USP31: variants seen among roughly 807,000 people sequenced by gnomAD.
USP31 encodes ubiquitin specific peptidase 31.
In USP31, 44 loss-of-function variants were observed where a neutral mutation model predicts 119.4. That is an observed-to-expected ratio of 0.37 (90% CI 0.29 to 0.47). USP31 has a LOEUF of 0.47. Ranked by LOEUF, USP31 falls within the 20% of genes least tolerant of loss-of-function variation. The probability of loss-of-function intolerance (pLI) is 0.99; values close to 1 mark genes in which losing one functional copy is unlikely to be tolerated. For synonymous variants in USP31, 749 were observed against 705.6 expected, an observed-to-expected ratio of 1.06 and a Z score of -0.97; for missense variants, 1,643 against 1,730.2, an observed-to-expected ratio of 0.95 and a Z score of 0.89.
chr16:23,063,381 A>G lies in USP31; in HGVS notation c.*4665T>C, dbSNP rs536476804. On this transcript the variant is annotated 3_prime_UTR_variant, in exon 16 of 16. Transcript: ENST00000219689. ...AATAGCTCTAAGTCTCTATAAAAGC[A>G]TCTTTTAATTCTTAGCACTATTAGA... 1 of 152,758 alleles carries G rather than the reference A, an allele frequency of 6.5e-6. No individual in the cohort carries two copies. The highest frequency in any genetic ancestry group is 1.9e-4 in the East Asian group (1 of 5,186). 9.5% of individuals were successfully genotyped at this position (152,758 alleles called of 1,614,324 possible).
rs1900095268 is a variant in USP31 at position 23,066,879 on chromosome 16, TAATA to T, written c.*1163_*1166del. 6.6e-6 allele frequency: 1 copy of T among 151,988 alleles called. No individual in the cohort carries two copies. Among genetic ancestry groups the T allele is most frequent in the Non-Finnish European group, 1.5e-5 (1 of 67,982 alleles). 9.4% of individuals were successfully genotyped at this position (151,988 alleles called of 1,614,324 possible). ...TGAAATCTTAAGAACAAAGAAGAAA[TAATA>T]AATGAGTTACTGAAAGGCAGCCCTA... On this transcript the variant is annotated 3_prime_UTR_variant, in exon 16 of 16. Transcript: ENST00000219689.
In USP31 at chr16:23,069,462, G is replaced by A. The variant is rs1220306386; in HGVS notation, c.2643C>T (p.Ser881=). 3.7e-6 allele frequency: 6 copies of A among 1,614,196 alleles called. No homozygotes were observed. In the Admixed American group the frequency reaches 1.0e-4, roughly 27 times the overall value. Reference sequence around the variant, plus strand: ...GAATTGGCGAATCCCCTGAAAATCGGGATGGAGAATTGGAGCGCATCTGCA... The same window carrying A: ...GAATTGGCGAATCCCCTGAAAATCGAGATGGAGAATTGGAGCGCATCTGCA... ...AKLQMRSNSP[S]RFSGDSPIHS... The change falls in exon 16 of 16, where the codon TCC becomes TCT. Residue 881 remains serine (S), a synonymous_variant. Transcript: ENST00000219689.
At chr16:23,109,120 T>C (rs1253950244) in intron 1 of USP31, among the ~76,000 whole-genome samples, 1 of 152,216 alleles carries the variant, frequency 6.6e-6, no homozygotes, top group Non-Finnish European at 1.5e-5. Flanking sequence ...TTTCTTAACA[T>C]AGAGATGAAC....
At chr16:23,074,575 C>G (rs1900480652) in intron 13 of USP31, among the ~76,000 whole-genome samples, 1 of 152,134 alleles carries the variant, frequency 6.6e-6, no homozygotes, top group Admixed American at 6.5e-5. Flanking sequence ...AAGGCAGGAG[C>G]CCAGCTCATT....
At chr16:23,093,825 A>ATATG (rs1335864334) in intron 6 of USP31, among the ~76,000 whole-genome samples, 2 of 152,232 alleles carry the variant, frequency 1.3e-5, no homozygotes, top group Non-Finnish European at 2.9e-5. Flanking sequence ...TGGTACATGC[A>ATATG]TATGTATGTA....
At chr16:23,101,357 C>T (rs773894527) in intron 6 of USP31, among the ~76,000 whole-genome samples, 14 of 152,040 alleles carry the variant, frequency 9.2e-5, no homozygotes, top group Non-Finnish European at 1.9e-4. Flanking sequence ...CAGGAGCAAC[C>T]AATCTAAGAA....
rs34435034 is a variant in USP31, at chr16:23,069,263, C to T, written c.2842G>A (p.Val948Met). 1.3e-4 allele frequency: 204 copies of T among 1,613,476 alleles called. 1 individual carries two copies. In the African/African-American group the frequency reaches 2.4e-3, roughly 19 times the overall value. Residue 948 changes from valine to methionine, a missense_variant, in exon 16 of 16, where the codon GTG becomes ATG. By Grantham distance (21) the Val-to-Met change is conservative (BLOSUM62 1). Coordinates refer to ENST00000219689, the MANE Select transcript of USP31 (RefSeq NM_020718.4). ...GRAPLAVMEG[V>M]FKDESDTRRL... Reference sequence around the variant, plus strand: ...CGGGTGTCCGATTCGTCTTTGAACACGCCTTCCATGACAGCCAGAGGGGCC... The same window carrying T: ...CGGGTGTCCGATTCGTCTTTGAACATGCCTTCCATGACAGCCAGAGGGGCC...
intron 1 of USP31, among the ~76,000 whole-genome samples, chr16:23,144,396 G>C (rs747552480): frequency 1.3e-5 from 2 of 152,100 alleles, no homozygotes; most frequent in Non-Finnish European, 2.9e-5. Context: ...AAGAATATCT[G>C]AATGAAATAA....
chr16:23,112,663 G>C (rs775051613), intron 1 of USP31, among the ~76,000 whole-genome samples: 1 of 152,062 alleles, frequency 6.6e-6, no homozygotes, highest in Non-Finnish European at 1.5e-5. Context: ...TCATTTAGAA[G>C]AATCAAAACC....
At chr16:23,079,772 A>G (rs932549399) in intron 13 of USP31, 174 bp downstream of exon 13, 39 of 578,112 alleles carry the variant, frequency 6.7e-5, no homozygotes, top group Middle Eastern at 4.6e-4. Context: ...AAAAGGAGGA[A>G]GAATGTTCGT....
intron 1 of USP31, among the ~76,000 whole-genome samples, chr16:23,121,447 C>A (rs1902666255): frequency 1.3e-5 from 2 of 152,232 alleles, no homozygotes; most frequent in South Asian, 2.1e-4. Context: ...ACCTTCCCAG[C>A]CTAGGCCTGG....
intron 4 of USP31, 28 bp from the exon 5 acceptor site, chr16:23,105,604 A>G (rs752387180): frequency 6.6e-7 from 1 of 1,509,416 alleles, no homozygotes; most frequent in African/African-American, 1.4e-5. Context: ...AGATCTTCTC[A>G]TTAGTCACTT....
rs1010438986 is a variant in USP31 at position 23,072,159 on chromosome 16, G to A, written c.2374C>T (p.Arg792Trp). The change falls in exon 15 of 16, where the codon CGG becomes TGG. Residue 792 changes from arginine (R) to tryptophan (W), a missense_variant. This residue lies in a region of USP31 where 279 missense variants were observed against 372.2 expected (regional missense o/e 0.75). Coordinates refer to ENST00000219689, the MANE Select transcript of USP31 (RefSeq NM_020718.4). The stretch of plus-strand genomic sequence containing the variant: ...CTGGCTGGCTTGCTGCCCGGGAGCC[G>A]GCTCACCCAGTGTTCACACAGGGAA... ...SSSLCEHWVS[R>W]LPGSKPASVT... The A allele has an allele frequency of 1.9e-6, 3 of 1,610,426 alleles. No individual in the cohort carries two copies. The highest frequency in any genetic ancestry group is 4.5e-5 in the East Asian group (2 of 44,886).
intron 6 of USP31, among the ~76,000 whole-genome samples, chr16:23,091,839 A>G (rs1468312525): frequency 6.6e-6 from 1 of 152,246 alleles, no homozygotes; most frequent in Non-Finnish European, 1.5e-5. Context: ...CCATAAAGAA[A>G]TCACAAAAGG....
intron 1 of USP31, among the ~76,000 whole-genome samples, chr16:23,112,885 G>A (rs577042723): frequency 3.3e-5 from 5 of 151,624 alleles, no homozygotes; most frequent in South Asian, 2.1e-4. Context: ...AAAATTAGCC[G>A]GGCACGGTGG....
At chr16:23,108,021 G>A in intron 2 of USP31, 25 bp downstream of exon 2, 1 of 1,602,128 alleles carries the variant, frequency 6.2e-7, no homozygotes, top group Non-Finnish European at 8.5e-7. Flanking sequence ...CTGGCTGACT[G>A]CCCTAGGGCA....
At chr16:23,097,754 G>A (rs1473046660) in intron 6 of USP31, among the ~76,000 whole-genome samples, 1 of 152,144 alleles carries the variant, frequency 6.6e-6, no homozygotes, top group African/African-American at 2.4e-5. Context: ...TGCAGAAAAG[G>A]CCTTCAACAA....
At chr16:23,091,237 G>C (rs945456445) in intron 6 of USP31, among the ~76,000 whole-genome samples, 3 of 152,158 alleles carry the variant, frequency 2.0e-5, no homozygotes, top group Non-Finnish European at 2.9e-5. Flanking sequence ...AGAAATAAAA[G>C]GTAAATTACA....
intron 1 of USP31, among the ~76,000 whole-genome samples, chr16:23,147,754 C>T (rs1055514175): frequency 6.6e-6 from 1 of 152,130 alleles, no homozygotes; most frequent in Admixed American, 6.5e-5. Flanking sequence ...ACAGCAAAAC[C>T]CCCGTCTCTA....
Sources: gnomAD v4.1 joint callset for allele counts (sites outside exome capture counted in the v4.1 genomes callset) on GRCh38, gnomAD v4.1.1 for gene constraint, gnomAD v4.1.1 regional missense constraint, MANE v1.5 for transcripts, NCBI Gene and HGNC (gene_info 2026-07-23, HGNC 2026-07-21) for gene names.